The following EBF2 variants were observed in gnomAD, a reference collection of about 807,000 sequenced individuals.
EBF2 encodes EBF transcription factor 2.
In EBF2, 21 loss-of-function variants were observed where a neutral mutation model predicts 72.8. That is an observed-to-expected ratio of 0.29 (90% confidence interval 0.20 to 0.42). The LOEUF is 0.42. Among genes scored for constraint, EBF2 ranks in the 10% least tolerant of loss-of-function variants. EBF2 has a pLI of 1.00. For missense variants in EBF2, 637 were observed against 731.2 expected (o/e 0.87, Z 1.49); for synonymous variants, 299 against 274.2 (o/e 1.09, Z -0.89).
Position 25,939,471 on chromosome 8 carries a change from G to A in EBF2, c.552-30916C>T, listed in dbSNP as rs181542874. ...TGTGCACTAGTGTGATTGTGAGTCA[G>A]TCTGGGTCAGCCCAAAAAACCTTTT... On this transcript the variant is annotated intron_variant, in intron 6 of 15. Coordinates refer to ENST00000520164, the MANE Select transcript of EBF2 (RefSeq NM_022659.4). Among the ~76,000 whole-genome samples, 6 of 152,288 alleles carry A rather than the reference G, an allele frequency of 3.9e-5. No individual in the cohort carries two copies. The East Asian group carries it at 1.2e-3, about 29-fold the overall frequency.
chr8:25,981,856 C>A (rs1317860073), intron 6 of EBF2, among the ~76,000 whole-genome samples: 2 of 151,832 alleles, frequency 1.3e-5, no homozygotes, highest in South Asian at 4.2e-4. Context: ...GAATAGATGC[C>A]CAGTTCTCCT....
chr8:25,927,193 T>C (rs1384639476), intron 6 of EBF2, among the ~76,000 whole-genome samples: 1 of 152,110 alleles, frequency 6.6e-6, no homozygotes, highest in Non-Finnish European at 1.5e-5. Flanking sequence ...GCCTCAAAAC[T>C]GGAGCATTGA....
intron 6 of EBF2, among the ~76,000 whole-genome samples, chr8:25,979,322 G>A: frequency 6.6e-6 from 1 of 152,234 alleles, no homozygotes; most frequent in East Asian, 1.9e-4. Context: ...GTCCCTGCAC[G>A]GGACGAGCAC....
chr8:25,983,119 T>G (rs1248577033), intron 6 of EBF2, among the ~76,000 whole-genome samples: 1 of 152,178 alleles, frequency 6.6e-6, no homozygotes, highest in Non-Finnish European at 1.5e-5. Context: ...ACAGCATTTT[T>G]ACAAGTTAAA....
chr8:25,843,805 C>G lies in EBF2; in HGVS notation c.*804G>C, dbSNP rs1801777978. The G allele has an allele frequency of 1.3e-5, 2 of 151,930 alleles. No individual in the cohort carries two copies. Among genetic ancestry groups the G allele is most frequent in the South Asian group, 4.2e-4 (2 of 4,814 alleles). The allele number at this position is 151,930 out of a possible 1,614,324, so 9.4% of individuals were successfully genotyped here. On this transcript the variant is annotated 3_prime_UTR_variant, in exon 16 of 16. Transcript: ENST00000520164. ...TCTGTGGGAATCTACATGTTCTTGC[C>G]CTTGGGTCAATAAAGTGATGGAAAA...
At chr8:25,989,756 G>C (rs1337318100) in intron 6 of EBF2, among the ~76,000 whole-genome samples, 1 of 152,204 alleles carries the variant, frequency 6.6e-6, no homozygotes, top group Admixed American at 6.5e-5. Flanking sequence ...CTCCCGTTCC[G>C]TAAGCTAAGT....
chr8:25,885,912 A>G (rs10503779), intron 10 of EBF2, among the ~76,000 whole-genome samples: 72,451 of 152,124 alleles, frequency 0.48, 20,991 homozygotes, highest in African/African-American at 0.81. Context: ...TCTAGTTTAA[A>G]TACAAAATGC....
chr8:25,941,756 T>TACA (rs1803676961), intron 6 of EBF2, among the ~76,000 whole-genome samples: 1 of 152,116 alleles, frequency 6.6e-6, no homozygotes, highest in Admixed American at 6.5e-5. Flanking sequence ...CACCCATACC[T>TACA]GCCCCTACAG....
chr8:25,987,461 C>G (rs555639100), intron 6 of EBF2, among the ~76,000 whole-genome samples: 1 of 152,258 alleles, frequency 6.6e-6, no homozygotes, highest in South Asian at 2.1e-4. Flanking sequence ...ATGGCTGGCT[C>G]TCCAAGTCAT....
intron 14 of EBF2, among the ~76,000 whole-genome samples, chr8:25,854,376 G>A (rs1802042289): frequency 6.6e-6 from 1 of 152,140 alleles, no homozygotes; most frequent in South Asian, 2.1e-4. Flanking sequence ...CTGCATCACT[G>A]AAGGATTTTA....
chr8:25,939,567 G>A (rs1281898692), intron 6 of EBF2, among the ~76,000 whole-genome samples: 2 of 152,184 alleles, frequency 1.3e-5, no homozygotes, highest in African/African-American at 4.8e-5. Flanking sequence ...GTGCTTATTG[G>A]TAAAATGGAA....
At chr8:26,028,390 G>A (rs894056590) in intron 6 of EBF2, among the ~76,000 whole-genome samples, 1 of 152,188 alleles carries the variant, frequency 6.6e-6, no homozygotes, top group Non-Finnish European at 1.5e-5. Flanking sequence ...GAAATAGGTT[G>A]GACCTCCTCT....
At chr8:26,039,951 C>G in intron 5 of EBF2, 77 bp downstream of exon 5, 18 of 1,529,750 alleles carry the variant, frequency 1.2e-5, no homozygotes, top group Non-Finnish European at 1.6e-5. Flanking sequence ...AAGTTAGTCC[C>G]GGGAACGCGG....
At chr8:26,002,786 G>A (rs2117221851) in intron 6 of EBF2, among the ~76,000 whole-genome samples, 1 of 152,186 alleles carries the variant, frequency 6.6e-6, no homozygotes, top group South Asian at 2.1e-4. Context: ...GTCAGAATGT[G>A]GCTGCTTGTG....
At chr8:25,861,263 G>C in intron 12 of EBF2, 37 bp from the exon 13 acceptor site, 1 of 1,613,798 alleles carries the variant, frequency 6.2e-7, no homozygotes, top group Non-Finnish European at 8.5e-7. Flanking sequence ...ATTCTATCCA[G>C]CATAAAGTGC....
intron 6 of EBF2, among the ~76,000 whole-genome samples, chr8:26,005,561 T>TATATATATATATATAGAG (rs375386709): frequency 4.7e-5 from 3 of 63,884 alleles, no homozygotes; most frequent in Non-Finnish European, 7.9e-5. Flanking sequence ...TATATATATA[T>TATATATATATATATAGAG]AGAGAGAGAG....
chr8:25,989,180 G>A (rs1361432404), intron 6 of EBF2, among the ~76,000 whole-genome samples: 1 of 152,212 alleles, frequency 6.6e-6, no homozygotes, highest in East Asian at 1.9e-4. Context: ...AAATGCATGT[G>A]AGAATGCTTT....
chr8:25,857,906 G>A (rs1043615522), intron 14 of EBF2, among the ~76,000 whole-genome samples: 7 of 152,172 alleles, frequency 4.6e-5, no homozygotes, highest in African/African-American at 1.7e-4. Flanking sequence ...TCAGAAAACT[G>A]CAGCAAAGCC....
intron 15 of EBF2, among the ~76,000 whole-genome samples, chr8:25,847,843 G>A (rs1475489207): frequency 6.6e-6 from 1 of 151,922 alleles, no homozygotes; most frequent in Non-Finnish European, 1.5e-5. Context: ...GCCCTAAATC[G>A]ACAGGTAGTT....
Sources: gnomAD v4.1 joint callset for allele counts (sites outside exome capture counted in the v4.1 genomes callset) on GRCh38, gnomAD v4.1.1 for gene constraint, MANE v1.5 for transcripts, NCBI Gene and HGNC (gene_info 2026-07-23, HGNC 2026-07-21) for gene names.